The following ZCWPW2 variants were observed in gnomAD, a reference collection of about 807,000 sequenced individuals.
ZCWPW2 encodes the protein zinc finger CW-type and PWWP domain containing 2, also known as zinc finger CW-type PWWP domain protein 2.
A neutral mutation model predicts 46.6 loss-of-function variants in ZCWPW2; 45 were observed. The observed-to-expected ratio is 0.96, with a 90% confidence interval of 0.76 to 1.24. The LOEUF (loss-of-function observed/expected upper bound fraction) is 1.24, where lower values mean the gene tolerates loss of function less well. Ranked by LOEUF, ZCWPW2 falls within the 50% of genes most tolerant of loss-of-function variation. The pLI is 0.00. For synonymous variants in ZCWPW2, 152 were observed against 137.1 expected (o/e 1.11, Z -0.76); for missense variants, 429 against 403.9 (o/e 1.06, Z -0.53).
At chr3:28,357,505 A>C (rs1381968839) in intron 1 of ZCWPW2, among the ~76,000 whole-genome samples, 3 of 152,086 alleles carry the variant, frequency 2.0e-5, no homozygotes, top group Non-Finnish European at 4.4e-5. Context: ...TGCTCTCCAC[A>C]TTGTGAGTGG....
At chr3:28,417,247 A>G (rs1414667235) in intron 3 of ZCWPW2, among the ~76,000 whole-genome samples, 1 of 152,120 alleles carries the variant, frequency 6.6e-6, no homozygotes, top group Non-Finnish European at 1.5e-5. Flanking sequence ...CTCTACACAA[A>G]TAAACTAGAA....
chr3:28,413,988 C>T (rs1458307348), intron 3 of ZCWPW2, among the ~76,000 whole-genome samples: 1 of 151,838 alleles, frequency 6.6e-6, no homozygotes, highest in Admixed American at 6.6e-5. Context: ...CCAATATTTC[C>T]CATTCTAGGT....
chr3:28,351,781 T>G (rs1577157428), intron 1 of ZCWPW2, among the ~76,000 whole-genome samples: 1 of 148,896 alleles, frequency 6.7e-6, no homozygotes, highest in South Asian at 2.1e-4. Context: ...CCGAGATAGA[T>G]GTGGCTCTTG....
At chr3:28,367,904 C>A (rs1159475843) in intron 1 of ZCWPW2, among the ~76,000 whole-genome samples, 1 of 152,098 alleles carries the variant, frequency 6.6e-6, no homozygotes, top group Non-Finnish European at 1.5e-5. Context: ...TATGTAATGG[C>A]CTCTTCGTCT....
At chr3:28,433,904 C>T (rs551442824) in intron 3 of ZCWPW2, among the ~76,000 whole-genome samples, 1 of 148,072 alleles carries the variant, frequency 6.8e-6, no homozygotes, top group South Asian at 2.1e-4. Flanking sequence ...TTGCCTCTTC[C>T]AATTCCACCC....
Position 28,445,420 on chromosome 3 carries a change from G to A in ZCWPW2, c.492+10151G>A, listed in dbSNP as rs971745721. Among the ~76,000 whole-genome samples the A allele has an allele frequency of 5.9e-5, 9 of 152,040 alleles. No individual in the cohort carries two copies. In the South Asian group the frequency reaches 1.0e-3, roughly 17 times the overall value. ...CGTGACAACAACTGAAAGGGGTGGG[G>A]ATGAAGCTGTTAAGGGAGCAGAATT... On this transcript the variant is annotated intron_variant, in intron 4 of 9. Transcript: ENST00000383768.
At chr3:28,371,993 CT>C (rs1705350163) in intron 1 of ZCWPW2, among the ~76,000 whole-genome samples, 1 of 150,646 alleles carries the variant, frequency 6.6e-6, no homozygotes, top group Non-Finnish European at 1.5e-5. Flanking sequence ...CCTCCTCCTG[CT>C]CCTCCTCTTT....
At chr3:28,518,771 T>C (rs1482559161) in intron 8 of ZCWPW2, among the ~76,000 whole-genome samples, 2 of 152,254 alleles carry the variant, frequency 1.3e-5, no homozygotes, top group Non-Finnish European at 2.9e-5. Context: ...CAACAGTGTA[T>C]TAAATGTCAT....
chr3:28,396,358 G>A (rs528712057), intron 2 of ZCWPW2, among the ~76,000 whole-genome samples: 2 of 152,190 alleles, frequency 1.3e-5, no homozygotes, highest in African/African-American at 4.8e-5. Flanking sequence ...ATCACTTCAA[G>A]TTCTTTCTGG....
chr3:28,442,529 G>A (rs1275579194), intron 4 of ZCWPW2, among the ~76,000 whole-genome samples: 5 of 152,332 alleles, frequency 3.3e-5, no homozygotes, highest in Admixed American at 3.3e-4. Context: ...CAAAGCTGGA[G>A]AGTTGATATA....
chr3:28,471,214 CA>C (rs555406262), intron 4 of ZCWPW2, among the ~76,000 whole-genome samples: 72 of 152,044 alleles, frequency 4.7e-4, no homozygotes, highest in African/African-American at 1.7e-3. Flanking sequence ...GAAACTATTC[CA>C]AAAAATAGAA....
intron 4 of ZCWPW2, among the ~76,000 whole-genome samples, chr3:28,448,784 C>CAAAAAAAAAAAAAAAAAA (rs576935771): frequency 1.5e-5 from 1 of 65,332 alleles, no homozygotes. Context: ...GACTCTGTCT[C>CAAAAAAAAAAAAAAAAAA]AAAAAAAAAA....
chr3:28,489,572 C>A lies in ZCWPW2; in HGVS notation c.611-2555C>A, dbSNP rs184498195. Among the ~76,000 whole-genome samples, 120 of 151,726 alleles carry A rather than the reference C, an allele frequency of 7.9e-4. 1 individual carries two copies. The highest frequency in any genetic ancestry group is 2.7e-3 in the African/African-American group (113 of 41,390). ...GGTGGAGTCACCTAAAAAGATGATA[C>A]AATAGTGAAATATATAATCACTAAA... On this transcript the variant is annotated intron_variant, in intron 5 of 9. Transcript: ENST00000383768.
chr3:28,481,879 CAG>C (rs1375396981), intron 5 of ZCWPW2, among the ~76,000 whole-genome samples: 1 of 152,098 alleles, frequency 6.6e-6, no homozygotes, highest in Non-Finnish European at 1.5e-5. Context: ...GTGGAAAGTA[CAG>C]AGAGTTCCCA....
chr3:28,441,111 T>C (rs966176574), intron 4 of ZCWPW2, among the ~76,000 whole-genome samples: 1 of 152,178 alleles, frequency 6.6e-6, no homozygotes, highest in Non-Finnish European at 1.5e-5. Context: ...ATGACAAAGA[T>C]GACTGGGGAA....
chr3:28,463,826 G>A (rs560515107), intron 4 of ZCWPW2, among the ~76,000 whole-genome samples: 135 of 151,566 alleles, frequency 8.9e-4, no homozygotes, highest in Non-Finnish European at 1.4e-3. Context: ...GTTCAACAGA[G>A]CAAGACCCTC....
intron 4 of ZCWPW2, among the ~76,000 whole-genome samples, chr3:28,456,199 T>C (rs1045892516): frequency 6.6e-6 from 1 of 152,140 alleles, no homozygotes; most frequent in African/African-American, 2.4e-5. Context: ...AGTCCTTCAC[T>C]TCCCTTGTTA....
At chr3:28,412,498 A>G (rs551708866) in intron 2 of ZCWPW2, among the ~76,000 whole-genome samples, 3 of 152,180 alleles carry the variant, frequency 2.0e-5, no homozygotes, top group Admixed American at 6.6e-5. Flanking sequence ...GTACAAACTA[A>G]TGGGTAAGAT....
intron 2 of ZCWPW2, among the ~76,000 whole-genome samples, chr3:28,393,855 G>A (rs1695591486): frequency 6.6e-6 from 1 of 152,000 alleles, no homozygotes; most frequent in Admixed American, 6.6e-5. Context: ...AAGGTCTAAC[G>A]TTTTTCTCTA....
Sources: allele counts gnomAD v4.1 joint callset (sites outside exome capture counted in the v4.1 genomes callset), GRCh38; gene constraint gnomAD v4.1.1; transcripts MANE v1.5; gene names NCBI Gene and HGNC (gene_info 2026-07-23, HGNC 2026-07-21).